The following ASTN1 variants were observed in gnomAD, a reference collection of about 807,000 sequenced individuals.
ASTN1 encodes astrotactin 1.
In ASTN1, 41 loss-of-function variants were observed where a neutral mutation model predicts 140.7. The observed-to-expected ratio is 0.29, with a 90% CI of 0.23 to 0.38. The LOEUF is 0.38. Among genes scored for constraint, ASTN1 ranks in the 10% least tolerant of loss-of-function variants. ASTN1 has a pLI of 1.00. For missense variants in ASTN1, 1,479 were observed against 1,678.8 expected (o/e 0.88, Z 2.08); for synonymous variants, 640 against 652.2 (o/e 0.98, Z 0.29).
intron 1 of ASTN1, among the ~76,000 whole-genome samples, chr1:177,086,288 A>AG (rs1344096686): frequency 6.7e-6 from 1 of 150,230 alleles, no homozygotes; most frequent in Non-Finnish European, 1.5e-5. Context: ...TCCATTTAAA[A>AG]AACTCCTTTT....
intron 8 of ASTN1, 64 bp from the exon 9 acceptor site, chr1:176,965,301 G>A (rs548486394): frequency 1.4e-5 from 22 of 1,547,046 alleles, no homozygotes; most frequent in East Asian, 2.3e-5. Context: ...CACCCACTTC[G>A]TATCAGGCAC....
In ASTN1 at chr1:176,919,977, C is replaced by T. The variant is rs140959987; in HGVS notation, c.2671+14175G>A. ...CACATATTTTAACTGGCAGATTTAT[C>T]GAGAAATTGAGCTGGAGAAATGCTT... On this transcript the variant is annotated intron_variant, in intron 16 of 22. Coordinates refer to ENST00000361833, the MANE Select transcript of ASTN1 (RefSeq NM_004319.3). 4.5e-3 allele frequency among the ~76,000 whole-genome samples: 679 copies of T among 152,282 alleles called. 4 individuals carry two copies. The highest frequency in any genetic ancestry group is 0.014 in the African/African-American group (569 of 41,550).
intron 5 of ASTN1, among the ~76,000 whole-genome samples, chr1:177,029,155 A>C (rs1427371424): frequency 2.0e-5 from 3 of 152,298 alleles, no homozygotes; most frequent in Admixed American, 6.5e-5. Flanking sequence ...GCAGGGGCTT[A>C]AAGGTCAAAG....
chr1:176,868,595 G>A (rs539302765), intron 22 of ASTN1, among the ~76,000 whole-genome samples: 1 of 152,116 alleles, frequency 6.6e-6, no homozygotes, highest in African/African-American at 2.4e-5. Flanking sequence ...TAAAAAAGGA[G>A]GGCAAAATAG....
intron 1 of ASTN1, among the ~76,000 whole-genome samples, chr1:177,132,597 T>G (rs962341185): frequency 2.6e-5 from 4 of 152,208 alleles, no homozygotes; most frequent in East Asian, 1.9e-4. Flanking sequence ...CTGTAATCTA[T>G]AATCTAGAAT....
In ASTN1 at chr1:177,027,604, C is replaced by T. The variant is rs552576947; in HGVS notation, c.1120+2030G>A. ...TGCCATATTGAACGACTTTTACTTC[C>T]TTTAAAACACCATGTTCTTTTGTCC... On this transcript the variant is annotated intron_variant, in intron 5 of 22. Coordinates refer to ENST00000361833, the MANE Select transcript of ASTN1 (RefSeq NM_004319.3). Among the ~76,000 whole-genome samples the T allele has an allele frequency of 4.0e-5, 6 of 150,932 alleles. No individual in the cohort carries two copies. In the South Asian group the frequency reaches 1.1e-3, roughly 27 times the overall value.
intron 1 of ASTN1, among the ~76,000 whole-genome samples, chr1:177,150,688 T>C (rs1268713768): frequency 6.6e-6 from 1 of 152,062 alleles, no homozygotes; most frequent in Non-Finnish European, 1.5e-5. Context: ...GTGACCCTAG[T>C]TATGGGTAAG....
chr1:176,890,014 G>T (rs1230377355), intron 17 of ASTN1, among the ~76,000 whole-genome samples: 1 of 152,228 alleles, frequency 6.6e-6, no homozygotes, highest in Non-Finnish European at 1.5e-5. Context: ...AGGCAACATT[G>T]TGACTACTGC....
At chr1:177,151,139 A>G (rs1683012493) in intron 1 of ASTN1, among the ~76,000 whole-genome samples, 3 of 152,140 alleles carry the variant, frequency 2.0e-5, no homozygotes, top group Non-Finnish European at 1.5e-5. Context: ...CCAAAGATGT[A>G]TATTTTCAAA....
chr1:176,908,340 A>C (rs1220286036), intron 16 of ASTN1, among the ~76,000 whole-genome samples: 1 of 152,206 alleles, frequency 6.6e-6, no homozygotes, highest in African/African-American at 2.4e-5. Context: ...AAGAAGACCA[A>C]GTCTCTGAGA....
chr1:177,071,722 T>C (rs1678645801), intron 1 of ASTN1, among the ~76,000 whole-genome samples: 1 of 152,212 alleles, frequency 6.6e-6, no homozygotes, highest in Non-Finnish European at 1.5e-5. Context: ...TAAAGCTTCT[T>C]CTCACTCTAA....
intron 2 of ASTN1, among the ~76,000 whole-genome samples, chr1:177,037,405 G>A (rs771113700): frequency 9.2e-5 from 14 of 152,212 alleles, no homozygotes; most frequent in Non-Finnish European, 2.1e-4. Flanking sequence ...CTGCTCATGA[G>A]CACACTGAGA....
In ASTN1 at chr1:176,982,692, T is replaced by C. The variant is rs35358025; in HGVS notation, c.1524-17455A>G. Among the ~76,000 whole-genome samples the C allele has an allele frequency of 4.5e-3, 683 of 152,252 alleles. 3 individuals are homozygous for C. The highest frequency in any genetic ancestry group is 6.4e-3 in the South Asian group (31 of 4,810). ...TTTTGACCTTCAGAAATTTCTGATTTAGTATGTCTGATATGGGGCATGGCC... is the reference window on the plus strand; with the variant it reads ...TTTTGACCTTCAGAAATTTCTGATTCAGTATGTCTGATATGGGGCATGGCC... On this transcript the variant is annotated intron_variant, in intron 8 of 22. Transcript: ENST00000361833.
intron 2 of ASTN1, among the ~76,000 whole-genome samples, chr1:177,050,638 G>A (rs1476052141): frequency 6.6e-6 from 1 of 152,126 alleles, no homozygotes; most frequent in African/African-American, 2.4e-5. Flanking sequence ...CTCTCACACA[G>A]GTAAGCCATT....
At chr1:176,878,095 C>T (rs753642439) in intron 20 of ASTN1, among the ~76,000 whole-genome samples, 32 of 152,108 alleles carry the variant, frequency 2.1e-4, no homozygotes, top group Non-Finnish European at 4.0e-4. Context: ...TGCTGAATTA[C>T]GGGGGCCTCA....
At chr1:177,135,009 G>A (rs1682122805) in intron 1 of ASTN1, among the ~76,000 whole-genome samples, 1 of 152,042 alleles carries the variant, frequency 6.6e-6, no homozygotes, top group South Asian at 2.1e-4. Flanking sequence ...TCCTTCTCCT[G>A]TCCTCAATGA....
At chr1:176,985,211 G>T (rs1274213378) in intron 8 of ASTN1, among the ~76,000 whole-genome samples, 2 of 152,174 alleles carry the variant, frequency 1.3e-5, no homozygotes, top group Non-Finnish European at 2.9e-5. Flanking sequence ...AACATGAAAA[G>T]TCTTTTCCTA....
intron 1 of ASTN1, among the ~76,000 whole-genome samples, chr1:177,156,569 CATAA>C (rs1412458697): frequency 1.3e-3 from 195 of 152,014 alleles, no homozygotes; most frequent in African/African-American, 4.4e-3. Context: ...GTCCATAGGA[CATAA>C]ATAAATAAGT....
intron 8 of ASTN1, among the ~76,000 whole-genome samples, chr1:176,974,258 T>C (rs1429158563): frequency 2.0e-5 from 3 of 152,172 alleles, no homozygotes; most frequent in Non-Finnish European, 2.9e-5. Context: ...ATCAACTGCA[T>C]AGGGTTGAAT....
Sources: gnomAD v4.1 joint callset for allele counts (sites outside exome capture counted in the v4.1 genomes callset) on GRCh38, gnomAD v4.1.1 for gene constraint, MANE v1.5 for transcripts, NCBI Gene and HGNC (gene_info 2026-07-23, HGNC 2026-07-21) for gene names.